PHACTR1: variants seen among roughly 807,000 people sequenced by gnomAD.
PHACTR1 encodes the protein RPEL repeat containing 1.
PHACTR1 carries 16 observed loss-of-function variants against 69.2 expected under a neutral mutation model. The ratio of observed to expected loss-of-function variants is 0.23; its 90% CI spans 0.16 to 0.35. PHACTR1 has a LOEUF of 0.35. Ranked by LOEUF, PHACTR1 falls within the 10% of genes least tolerant of loss-of-function variation. PHACTR1 has a pLI of 1.00. For missense variants in PHACTR1, 510 were observed against 734.7 expected, an observed-to-expected ratio of 0.69 and a Z score of 3.54; for synonymous variants, 312 against 284.5, an observed-to-expected ratio of 1.10 and a Z score of -0.97.
At chr6:12,758,135 G>T (rs1767576911) in intron 4 of PHACTR1, among the ~76,000 whole-genome samples, 1 of 151,902 alleles carries the variant, frequency 6.6e-6, no homozygotes, top group South Asian at 2.1e-4. Flanking sequence ...AAGCAGTTAT[G>T]CAAGTCACAG....
chr6:13,139,690 C>T (rs1822126594), intron 5 of PHACTR1, among the ~76,000 whole-genome samples: 4 of 152,190 alleles, frequency 2.6e-5, no homozygotes, highest in Non-Finnish European at 5.9e-5. Context: ...TAATTAAAGA[C>T]TTTCATCACA....
At chr6:13,286,353 A>G (rs1404271930) in intron 14 of PHACTR1, 131 bp downstream of exon 14, 3 of 727,308 alleles carry the variant, frequency 4.1e-6, no homozygotes, top group Non-Finnish European at 6.5e-6. Flanking sequence ...GTAGGAAGGC[A>G]GGCATGCGGT....
intron 4 of PHACTR1, among the ~76,000 whole-genome samples, chr6:12,822,624 G>A (rs1776347903): frequency 6.6e-6 from 1 of 152,322 alleles, no homozygotes; most frequent in Non-Finnish European, 1.5e-5. Context: ...AGGAGCCGGG[G>A]CATCTAGCAA....
intron 4 of PHACTR1, among the ~76,000 whole-genome samples, chr6:12,855,623 C>T (rs562075775): frequency 2.6e-5 from 4 of 151,972 alleles, no homozygotes; most frequent in Non-Finnish European, 5.9e-5. Flanking sequence ...ATGGGAAAAA[C>T]AGACACTGGG....
In PHACTR1 at chr6:13,161,645, A is replaced by G. The variant is rs369069437; in HGVS notation, c.496+1361A>G. Among the ~76,000 whole-genome samples the G allele has an allele frequency of 5.9e-5, 9 of 152,250 alleles. No individual in the cohort carries two copies. In the East Asian group the frequency reaches 1.7e-3, roughly 29 times the overall value. Reference sequence around the variant, plus strand: ...CTACATGCCTCGTGTGTTCTACTACAACGAGGCAGGTGGTACTTCTGGGTT... The same window carrying G: ...CTACATGCCTCGTGTGTTCTACTACGACGAGGCAGGTGGTACTTCTGGGTT... On this transcript the variant is annotated intron_variant, in intron 6 of 14. Transcript: ENST00000332995.
intron 5 of PHACTR1, among the ~76,000 whole-genome samples, chr6:13,061,649 A>G (rs546444526): frequency 1.3e-5 from 2 of 152,178 alleles, no homozygotes; most frequent in Non-Finnish European, 2.9e-5. Flanking sequence ...AAACACGGTA[A>G]ATGATCCTAC....
chr6:12,780,907 T>A (rs573164465), intron 4 of PHACTR1, among the ~76,000 whole-genome samples: 22 of 152,184 alleles, frequency 1.4e-4, no homozygotes, highest in Admixed American at 1.3e-3. Flanking sequence ...GGGGAAGGAA[T>A]GGGGAGAGAC....
intron 3 of PHACTR1, among the ~76,000 whole-genome samples, chr6:12,745,072 G>A (rs1169099969): frequency 1.3e-5 from 2 of 152,186 alleles, no homozygotes; most frequent in African/African-American, 4.8e-5. Flanking sequence ...TATCGCAAGT[G>A]ATTCTGATGT....
chr6:12,881,890 G>A (rs755381058), intron 4 of PHACTR1, among the ~76,000 whole-genome samples: 5 of 152,204 alleles, frequency 3.3e-5, no homozygotes, highest in Non-Finnish European at 5.9e-5. Flanking sequence ...AAATCTCCAC[G>A]ATGCAGGAGG....
chr6:12,896,065 G>A (rs966497006), intron 4 of PHACTR1, among the ~76,000 whole-genome samples: 2 of 152,182 alleles, frequency 1.3e-5, no homozygotes, highest in Non-Finnish European at 2.9e-5. Context: ...AATGCTGACT[G>A]GAACCCTTCA....
intron 5 of PHACTR1, among the ~76,000 whole-genome samples, chr6:13,140,803 T>A (rs1307732351): frequency 6.6e-6 from 1 of 152,232 alleles, no homozygotes; most frequent in Non-Finnish European, 1.5e-5. Context: ...ACCAAAATGT[T>A]TGTAAAAAAT....
chr6:13,002,247 A>G, intron 4 of PHACTR1, among the ~76,000 whole-genome samples: 1 of 152,328 alleles, frequency 6.6e-6, no homozygotes. Flanking sequence ...TAGCTCAGCT[A>G]TCCTATTTCT....
chr6:13,250,198 G>C (rs1209727750), intron 10 of PHACTR1, among the ~76,000 whole-genome samples: 1 of 152,174 alleles, frequency 6.6e-6, no homozygotes, highest in African/African-American at 2.4e-5. Context: ...TAAGGACCTA[G>C]ACTGAGGACA....
At chr6:12,784,901 G>T (rs1361924362) in intron 4 of PHACTR1, among the ~76,000 whole-genome samples, 1 of 151,444 alleles carries the variant, frequency 6.6e-6, no homozygotes, top group Non-Finnish European at 1.5e-5. Context: ...TAGAGATGGG[G>T]TTTCTCCATG....
At chr6:13,101,342 T>C (rs1815127413) in intron 5 of PHACTR1, among the ~76,000 whole-genome samples, 1 of 152,214 alleles carries the variant, frequency 6.6e-6, no homozygotes, top group East Asian at 1.9e-4. Context: ...TGATCACTTC[T>C]TATTAACCCC....
At chr6:12,784,439 C>T (rs1442438997) in intron 4 of PHACTR1, among the ~76,000 whole-genome samples, 3 of 151,046 alleles carry the variant, frequency 2.0e-5, no homozygotes, top group Admixed American at 2.0e-4. Context: ...CATATACACA[C>T]ATATCTATAC....
At chr6:13,228,087 CA>C (rs1770112804) in intron 9 of PHACTR1, 24 bp downstream of exon 9, 1 of 1,597,782 alleles carries the variant, frequency 6.3e-7, no homozygotes, top group South Asian at 1.1e-5. Context: ...AACTCATCAC[CA>C]GGGGTGGGGA....
intron 4 of PHACTR1, among the ~76,000 whole-genome samples, chr6:12,826,053 A>G (rs773803683): frequency 9.9e-5 from 15 of 152,262 alleles, no homozygotes; most frequent in Non-Finnish European, 1.8e-4. Context: ...GCATGCACAT[A>G]GATGACAAGG....
chr6:12,845,191 C>T (rs1779081910), intron 4 of PHACTR1, among the ~76,000 whole-genome samples: 2 of 152,150 alleles, frequency 1.3e-5, no homozygotes, highest in East Asian at 1.9e-4. Flanking sequence ...GCTGCTTATA[C>T]ATCAATGCAT....
Sources: allele counts gnomAD v4.1 joint callset (sites outside exome capture counted in the v4.1 genomes callset), GRCh38; gene constraint gnomAD v4.1.1; transcripts MANE v1.5; gene names NCBI Gene and HGNC (gene_info 2026-07-23, HGNC 2026-07-21).